Variants in ARHGAP15 observed in about 807,000 individuals in gnomAD.
ARHGAP15 encodes the protein rho GTPase-activating protein 15.
A neutral mutation model predicts 63.7 loss-of-function variants in ARHGAP15; 51 were observed. That is an observed-to-expected ratio of 0.80 (90% confidence interval 0.64 to 1.01). ARHGAP15 has a LOEUF of 1.01. Among genes scored for constraint, ARHGAP15 ranks in the 50% least tolerant of loss-of-function variants. The probability of loss-of-function intolerance (pLI) is 0.00; values close to 1 mark genes in which losing one functional copy is unlikely to be tolerated. For missense variants in ARHGAP15, 560 were observed against 564.6 expected (o/e 0.99, Z 0.08); for synonymous variants, 191 against 193.8 (o/e 0.99, Z 0.12).
At chr2:143,345,865 C>G (rs531736057) in intron 6 of ARHGAP15, among the ~76,000 whole-genome samples, 4 of 152,140 alleles carry the variant, frequency 2.6e-5, no homozygotes, top group African/African-American at 4.8e-5. Flanking sequence ...AAGCAACAAA[C>G]AGTGGCTTTT....
At chr2:143,202,076 T>G (rs1692140640) in intron 2 of ARHGAP15, 58 bp from the exon 3 acceptor site, 2 of 1,342,942 alleles carry the variant, frequency 1.5e-6, no homozygotes, top group East Asian at 4.6e-5. Flanking sequence ...ATGTGTATTC[T>G]TACTAAACTC....
intron 6 of ARHGAP15, among the ~76,000 whole-genome samples, chr2:143,317,859 G>T (rs1683793197): frequency 6.6e-6 from 1 of 152,124 alleles, no homozygotes. Context: ...GTAGTATTAG[G>T]AATTTAAAGT....
chr2:143,651,259 CCT>C (rs1402839342), intron 12 of ARHGAP15, among the ~76,000 whole-genome samples: 2 of 151,950 alleles, frequency 1.3e-5, no homozygotes, highest in Non-Finnish European at 2.9e-5. Flanking sequence ...AACTTTCACC[CCT>C]AAATGTTTCC....
intron 6 of ARHGAP15, among the ~76,000 whole-genome samples, chr2:143,328,991 T>C (rs1360946524): frequency 1.3e-5 from 2 of 152,228 alleles, no homozygotes; most frequent in Non-Finnish European, 2.9e-5. Context: ...AAATTAAGTT[T>C]TTTAAAAAGT....
chr2:143,421,135 C>T lies in ARHGAP15; in HGVS notation c.475-14466C>T, dbSNP rs182886785. On this transcript the variant is annotated intron_variant, in intron 6 of 13. Coordinates refer to ENST00000295095, the MANE Select transcript of ARHGAP15 (RefSeq NM_018460.4). ...TATTCCAAACAGCACATTGCCCCAT[C>T]TTTGTTTCTTCTTTTATAAAGGAAC... 1.2e-4 allele frequency among the ~76,000 whole-genome samples: 18 copies of T among 151,348 alleles called. No homozygotes were observed. In the East Asian group the frequency reaches 3.6e-3, roughly 30 times the overall value.
At chr2:143,416,054 C>T (rs920633836) in intron 6 of ARHGAP15, among the ~76,000 whole-genome samples, 5 of 151,558 alleles carry the variant, frequency 3.3e-5, no homozygotes, top group South Asian at 2.1e-4. Flanking sequence ...GGTACACCAA[C>T]ACCTCACAAA....
intron 9 of ARHGAP15, among the ~76,000 whole-genome samples, chr2:143,509,331 T>TG (rs1553492409): frequency 2.4e-5 from 3 of 124,296 alleles, no homozygotes; most frequent in Admixed American, 7.6e-5. Context: ...TTGCCTCTTA[T>TG]GAAAAAAAAA....
chr2:143,503,132 GAC>G (rs1445630495), intron 9 of ARHGAP15, among the ~76,000 whole-genome samples: 1 of 152,206 alleles, frequency 6.6e-6, no homozygotes, highest in African/African-American at 2.4e-5. Flanking sequence ...TAGAATCCTA[GAC>G]ACAAAGAACA....
chr2:143,508,170 C>T (rs886845006), intron 9 of ARHGAP15, among the ~76,000 whole-genome samples: 5 of 152,162 alleles, frequency 3.3e-5, no homozygotes, highest in African/African-American at 1.2e-4. Flanking sequence ...AGCCATACTT[C>T]CTCTTGTTCA....
At chr2:143,752,094 G>GCC (rs904191389) in intron 13 of ARHGAP15, among the ~76,000 whole-genome samples, 4 of 152,024 alleles carry the variant, frequency 2.6e-5, no homozygotes, top group African/African-American at 9.7e-5. Flanking sequence ...TCTGAGTCGG[G>GCC]CCCCCTTGGC....
intron 10 of ARHGAP15, among the ~76,000 whole-genome samples, chr2:143,529,300 A>G (rs958773663): frequency 2.0e-5 from 3 of 152,030 alleles, no homozygotes; most frequent in East Asian, 1.9e-4. Context: ...CATGAGCTCT[A>G]CTTTCTTACT....
chr2:143,589,785 C>T (rs899311064), intron 11 of ARHGAP15, among the ~76,000 whole-genome samples: 6 of 152,102 alleles, frequency 3.9e-5, no homozygotes, highest in African/African-American at 1.4e-4. Flanking sequence ...TAGGGAAAAA[C>T]AGAAGCACTA....
intron 6 of ARHGAP15, among the ~76,000 whole-genome samples, chr2:143,308,737 A>G (rs1238700486): frequency 6.6e-6 from 1 of 152,028 alleles, no homozygotes; most frequent in Non-Finnish European, 1.5e-5. Context: ...GACCATTATA[A>G]TGTTATTATT....
rs191521206 is a variant in ARHGAP15 at position 143,328,424 on chromosome 2, C to A, written c.474+77824C>A. Among the ~76,000 whole-genome samples, 470 of 152,196 alleles carry A rather than the reference C, an allele frequency of 3.1e-3. 1 individual carries two copies. Among genetic ancestry groups the A allele is most frequent in the African/African-American group, 0.011 (454 of 41,532 alleles). On this transcript the variant is annotated intron_variant, in intron 6 of 13. Transcript: ENST00000295095. Reference sequence around the variant, plus strand: ...ACTATGCCACCATAAAAAAGGAGTTCATGTCCTCTGCAGGGACATGGATGA... The same window carrying A: ...ACTATGCCACCATAAAAAAGGAGTTAATGTCCTCTGCAGGGACATGGATGA...
chr2:143,520,325 T>C (rs1694006617), intron 10 of ARHGAP15, among the ~76,000 whole-genome samples: 1 of 152,190 alleles, frequency 6.6e-6, no homozygotes, highest in Admixed American at 6.5e-5. Flanking sequence ...TATAAAAGCA[T>C]AATAAAAATG....
chr2:143,494,256 C>T (rs976491257), intron 9 of ARHGAP15, among the ~76,000 whole-genome samples: 1 of 152,046 alleles, frequency 6.6e-6, no homozygotes, highest in African/African-American at 2.4e-5. Flanking sequence ...TATCTTTTCT[C>T]AAATTTTGAA....
intron 6 of ARHGAP15, among the ~76,000 whole-genome samples, chr2:143,397,237 T>G (rs1389181803): frequency 2.4e-5 from 3 of 127,384 alleles, no homozygotes; most frequent in African/African-American, 8.7e-5. Flanking sequence ...GTTGTGAAGA[T>G]CACTGATTTA....
chr2:143,362,167 C>T (rs559575138), intron 6 of ARHGAP15, among the ~76,000 whole-genome samples: 1 of 152,266 alleles, frequency 6.6e-6, no homozygotes, highest in South Asian at 2.1e-4. Flanking sequence ...TGGATGTATC[C>T]TTTTTACGTG....
intron 6 of ARHGAP15, among the ~76,000 whole-genome samples, chr2:143,316,422 C>T (rs1451777603): frequency 6.6e-6 from 1 of 151,584 alleles, no homozygotes; most frequent in Non-Finnish European, 1.5e-5. Flanking sequence ...TGTGTGCCCA[C>T]ATCCAAGCTA....
Sources: allele counts gnomAD v4.1 joint callset (sites outside exome capture counted in the v4.1 genomes callset), GRCh38; gene constraint gnomAD v4.1.1; transcripts MANE v1.5; gene names NCBI Gene and HGNC (gene_info 2026-07-23, HGNC 2026-07-21).